Variants in SEMA5A observed in about 807,000 individuals in gnomAD.
The protein encoded by SEMA5A is semaphorin-5A.
A neutral mutation model predicts 135.5 loss-of-function variants in SEMA5A; 55 were observed. That is an observed-to-expected ratio of 0.41 (90% CI 0.33 to 0.51). The LOEUF (loss-of-function observed/expected upper bound fraction) is 0.51, where lower values mean the gene tolerates loss of function less well. Among genes scored for constraint, SEMA5A ranks in the 20% least tolerant of loss-of-function variants. The probability of loss-of-function intolerance (pLI) is 0.37; values close to 1 mark genes in which losing one functional copy is unlikely to be tolerated. For synonymous variants in SEMA5A, 580 were observed against 546.5 expected (o/e 1.06, Z -0.85); for missense variants, 1,290 against 1,419.9 (o/e 0.91, Z 1.47).
At chr5:9,533,386 C>T (rs1220036746) in intron 1 of SEMA5A, among the ~76,000 whole-genome samples, 2 of 152,120 alleles carry the variant, frequency 1.3e-5, no homozygotes, top group Non-Finnish European at 2.9e-5. Context: ...TTAAAATAGA[C>T]CTTTCACTTT....
intron 1 of SEMA5A, among the ~76,000 whole-genome samples, chr5:9,493,785 CA>C (rs1735158324): frequency 2.6e-5 from 4 of 152,232 alleles, no homozygotes; most frequent in Middle Eastern, 3.4e-3. Context: ...AAGATGTCAG[CA>C]AAACATGAAG....
At chr5:9,123,871 G>A (rs990604182) in intron 13 of SEMA5A, among the ~76,000 whole-genome samples, 5 of 152,124 alleles carry the variant, frequency 3.3e-5, no homozygotes, top group African/African-American at 7.2e-5. Context: ...TGTAGAATCC[G>A]ACGATGGATT....
At chr5:9,224,364 C>G (rs1306846724) in intron 8 of SEMA5A, among the ~76,000 whole-genome samples, 1 of 151,204 alleles carries the variant, frequency 6.6e-6, no homozygotes, top group Non-Finnish European at 1.5e-5. Flanking sequence ...GGAGTCTACA[C>G]ATGACAAGCT....
At position 9,066,596 on chromosome 5, in the gene SEMA5A, C is replaced by T. The variant is rs776955303; in HGVS notation, c.2124G>A (p.Thr708=). The change falls in exon 17 of 23, where the codon ACG becomes ACA. Residue 708 remains threonine, a synonymous_variant. Transcript: ENST00000382496. ...TNPCPELKKT[T]PWTPWTPVNI... ...TGACAGGTGTCCAGGGTGTCCAGGGCGTGGTCTTCTTCAGCTCAGGACACG... is the reference window on the plus strand; with the variant it reads ...TGACAGGTGTCCAGGGTGTCCAGGGTGTGGTCTTCTTCAGCTCAGGACACG... 5.0e-6 allele frequency: 8 copies of T among 1,614,030 alleles called. No homozygotes were observed. The highest frequency in any genetic ancestry group is 1.3e-5 in the African/African-American group (1 of 74,910).
At chr5:9,149,268 A>G (rs1742503093) in intron 12 of SEMA5A, among the ~76,000 whole-genome samples, 1 of 152,174 alleles carries the variant, frequency 6.6e-6, no homozygotes, top group African/African-American at 2.4e-5. Flanking sequence ...GCAGCCTACA[A>G]GTGTTTCTCT....
intron 5 of SEMA5A, among the ~76,000 whole-genome samples, chr5:9,268,840 T>C (rs933123371): frequency 2.6e-5 from 4 of 152,154 alleles, no homozygotes; most frequent in Non-Finnish European, 5.9e-5. Flanking sequence ...GAATTTGTAA[T>C]TGCTTAATAA....
chr5:9,109,386 A>C (rs189335711), intron 15 of SEMA5A, among the ~76,000 whole-genome samples: 1 of 152,326 alleles, frequency 6.6e-6, no homozygotes, highest in Admixed American at 6.5e-5. Flanking sequence ...TGAAGTGAGG[A>C]AAGTAAACAA....
chr5:9,071,929 A>G (rs1737789933), intron 16 of SEMA5A, among the ~76,000 whole-genome samples: 1 of 152,234 alleles, frequency 6.6e-6, no homozygotes, highest in South Asian at 2.1e-4. Flanking sequence ...TCAAGTATCT[A>G]CATGGAAGTA....
Position 9,045,798 on chromosome 5 carries a change from C to T in SEMA5A, c.2894-1214G>A, listed in dbSNP as rs550854124. ...GGCATCTCTTCTGTCTCATTATTTTCCTGCAGTTATGAATACAAAGCATTC... is the reference window on the plus strand; with the variant it reads ...GGCATCTCTTCTGTCTCATTATTTTTCTGCAGTTATGAATACAAAGCATTC... On this transcript the variant is annotated intron_variant, in intron 21 of 22. Transcript: ENST00000382496. 2.0e-5 allele frequency: 3 copies of T among 152,286 alleles called. No homozygotes were observed. In the South Asian group the frequency reaches 6.2e-4, roughly 32 times the overall value. The allele number at this position is 152,286 out of a possible 1,614,324, so 9.4% of individuals were successfully genotyped here.
At chr5:9,395,831 C>T (rs1310007984) in intron 2 of SEMA5A, among the ~76,000 whole-genome samples, 1 of 152,182 alleles carries the variant, frequency 6.6e-6, no homozygotes, top group Non-Finnish European at 1.5e-5. Context: ...TCTGCTTAAT[C>T]TTACTGTTCA....
intron 2 of SEMA5A, among the ~76,000 whole-genome samples, chr5:9,411,441 T>C (rs1003973321): frequency 5.9e-5 from 9 of 152,148 alleles, no homozygotes; most frequent in Non-Finnish European, 1.2e-4. Flanking sequence ...GTGTTGTTAG[T>C]TGCGCACCCA....
chr5:9,131,900 G>T (rs1444500033), intron 13 of SEMA5A, among the ~76,000 whole-genome samples: 1 of 152,032 alleles, frequency 6.6e-6, no homozygotes, highest in Non-Finnish European at 1.5e-5. Context: ...ATCCACAAAG[G>T]GTGTGGATGG....
intron 10 of SEMA5A, among the ~76,000 whole-genome samples, chr5:9,191,419 C>A (rs143189156): frequency 6.6e-6 from 1 of 152,168 alleles, no homozygotes; most frequent in Admixed American, 6.5e-5. Context: ...GAAACTACTA[C>A]CAATCCTTCT....
intron 16 of SEMA5A, among the ~76,000 whole-genome samples, chr5:9,105,885 A>AG (rs1295115983): frequency 1.3e-5 from 2 of 152,246 alleles, no homozygotes; most frequent in African/African-American, 2.4e-5. Context: ...ATGTTGCTTT[A>AG]GCTAGGTAAC....
intron 2 of SEMA5A, among the ~76,000 whole-genome samples, chr5:9,423,469 A>C (rs1488259842): frequency 1.3e-5 from 2 of 152,138 alleles, no homozygotes; most frequent in African/African-American, 4.8e-5. Flanking sequence ...CTCACAACCC[A>C]CCGCTTCTCA....
At chr5:9,084,090 C>A (rs909082883) in intron 16 of SEMA5A, among the ~76,000 whole-genome samples, 2 of 152,206 alleles carry the variant, frequency 1.3e-5, no homozygotes, top group East Asian at 3.9e-4. Context: ...AAATCTTGAT[C>A]AAAGAAAATA....
chr5:9,076,868 T>TTGTGTGTGTGTGTGTGTG (rs70943938), intron 16 of SEMA5A, among the ~76,000 whole-genome samples: 24 of 144,006 alleles, frequency 1.7e-4, no homozygotes, highest in African/African-American at 4.6e-4. Flanking sequence ...ATTACGATCT[T>TTGTGTGTGTGTGTGTGTG]TGTGTGTGTG....
chr5:9,495,265 G>A (rs1018843916), intron 1 of SEMA5A, among the ~76,000 whole-genome samples: 5 of 152,138 alleles, frequency 3.3e-5, no homozygotes, highest in Non-Finnish European at 7.3e-5. Context: ...CAGGCAGGCT[G>A]TGTCCACAAT....
In SEMA5A at chr5:9,467,996, A is replaced by G. The variant is rs75016985; in HGVS notation, c.-174-30144T>C. Among the ~76,000 whole-genome samples the G allele has an allele frequency of 4.4e-3, 672 of 152,264 alleles. 3 individuals carry two copies. Among genetic ancestry groups the G allele is most frequent in the African/African-American group, 0.015 (638 of 41,554 alleles). ...TAAGCAAATAAATATTATTATCCCT[A>G]TTATGTGGAGCACAGAGAGCTGTAA... On this transcript the variant is annotated intron_variant, in intron 1 of 22. Transcript: ENST00000382496.
Sources: gnomAD v4.1 joint callset for allele counts (sites outside exome capture counted in the v4.1 genomes callset) on GRCh38, gnomAD v4.1.1 for gene constraint, MANE v1.5 for transcripts, NCBI Gene and HGNC (gene_info 2026-07-23, HGNC 2026-07-21) for gene names.